Variants in SORCS1 observed in about 807,000 individuals in gnomAD.
SORCS1 encodes sortilin related VPS10 domain containing receptor 1.
A neutral mutation model predicts 146.1 loss-of-function variants in SORCS1; 60 were observed. That is an observed-to-expected ratio of 0.41 (90% CI 0.33 to 0.51). The LOEUF (loss-of-function observed/expected upper bound fraction) is 0.51. SORCS1 is among the 20% of genes least tolerant of loss of function. SORCS1 has a pLI of 0.21. For missense variants in SORCS1, 1,352 were observed against 1,487.6 expected (o/e 0.91, Z 1.50); for synonymous variants, 637 against 584.0 (o/e 1.09, Z -1.31).
At chr10:106,714,239 A>G (rs1274388832) in intron 6 of SORCS1, among the ~76,000 whole-genome samples, 3 of 151,772 alleles carry the variant, frequency 2.0e-5, no homozygotes. Context: ...CAAAGATTCA[A>G]CAACAAAGAT....
chr10:106,639,247 C>A (rs1459396241), intron 18 of SORCS1, among the ~76,000 whole-genome samples: 1 of 152,150 alleles, frequency 6.6e-6, no homozygotes, highest in Non-Finnish European at 1.5e-5. Flanking sequence ...GGGGTAGTGA[C>A]CACCCATGTG....
chr10:107,104,375 T>C lies in SORCS1; in HGVS notation c.558+59594A>G, dbSNP rs535257338. Among the ~76,000 whole-genome samples the C allele has an allele frequency of 3.3e-5, 5 of 152,302 alleles. No individual in the cohort carries two copies. The East Asian group carries it at 9.7e-4, about 29-fold the overall frequency. On this transcript the variant is annotated intron_variant, in intron 1 of 25. Coordinates refer to ENST00000263054, the MANE Select transcript of SORCS1 (RefSeq NM_052918.5). ...CTAGTTCCAAAAGAAGTCTGGAAATTGAATATGTTTGGCTTGAAAGGTCTG... is the reference window on the plus strand; with the variant it reads ...CTAGTTCCAAAAGAAGTCTGGAAATCGAATATGTTTGGCTTGAAAGGTCTG...
chr10:106,696,615 T>G (rs954208790), intron 9 of SORCS1, among the ~76,000 whole-genome samples: 4 of 152,172 alleles, frequency 2.6e-5, no homozygotes, highest in Non-Finnish European at 2.9e-5. Flanking sequence ...TCCCTACAGA[T>G]AGTCAACTGC....
chr10:106,860,811 A>G (rs1353696627), intron 2 of SORCS1, among the ~76,000 whole-genome samples: 1 of 152,212 alleles, frequency 6.6e-6, no homozygotes, highest in Non-Finnish European at 1.5e-5. Flanking sequence ...TGCTGTTTGT[A>G]ATATTGGCGA....
At chr10:106,730,148 A>C (rs762688748) in intron 5 of SORCS1, 34 bp from the exon 6 acceptor site, 8 of 1,609,178 alleles carry the variant, frequency 5.0e-6, no homozygotes, top group Non-Finnish European at 6.8e-6. Flanking sequence ...AGAAACATCC[A>C]TATTAATGAC....
intron 5 of SORCS1, among the ~76,000 whole-genome samples, chr10:106,739,325 A>G (rs558680097): frequency 6.6e-6 from 1 of 151,814 alleles, no homozygotes; most frequent in Non-Finnish European, 1.5e-5. Context: ...ATCTCACTAA[A>G]AATACAAAAA....
chr10:106,588,474 GA>G (rs1845376332), intron 24 of SORCS1, among the ~76,000 whole-genome samples: 1 of 152,072 alleles, frequency 6.6e-6, no homozygotes, highest in African/African-American at 2.4e-5. Flanking sequence ...TATGCAGATG[GA>G]TTTCTGTCTG....
chr10:107,118,619 T>A (rs768583791), intron 1 of SORCS1, among the ~76,000 whole-genome samples: 2 of 152,198 alleles, frequency 1.3e-5, no homozygotes, highest in Admixed American at 1.3e-4. Flanking sequence ...AACAGACCGA[T>A]GGGTGACTAT....
chr10:106,599,303 C>T (rs1019608505), intron 23 of SORCS1, among the ~76,000 whole-genome samples: 18 of 150,784 alleles, frequency 1.2e-4, no homozygotes, highest in South Asian at 2.1e-4. Context: ...AGAAGGCAGA[C>T]GTTGCAGTGA....
chr10:107,102,420 A>C (rs1171594324), intron 1 of SORCS1, among the ~76,000 whole-genome samples: 1 of 152,200 alleles, frequency 6.6e-6, no homozygotes, highest in Non-Finnish European at 1.5e-5. Context: ...TCAGGATATA[A>C]AGAACAAACA....
At chr10:107,166,403 A>G (rs1425295636), upstream of SORCS1, among the ~76,000 whole-genome samples, 1 of 152,258 alleles carries the variant, frequency 6.6e-6, no homozygotes, top group Non-Finnish European at 1.5e-5. Context: ...CGACCAGCGC[A>G]GAAAAAGTGC....
At chr10:106,586,588 T>C (rs922882377) in intron 24 of SORCS1, among the ~76,000 whole-genome samples, 1 of 152,206 alleles carries the variant, frequency 6.6e-6, no homozygotes, top group Non-Finnish European at 1.5e-5. Flanking sequence ...TCAGTCTAGT[T>C]ACCCTGTAAT....
At chr10:106,984,079 C>G (rs76581224) in intron 1 of SORCS1, among the ~76,000 whole-genome samples, 33,807 of 152,052 alleles carry the variant, frequency 0.22, 4,551 homozygotes, top group Middle Eastern at 0.33. Flanking sequence ...TAACAATACA[C>G]GTTATGTATC....
chr10:106,657,691 A>G lies in SORCS1; in HGVS notation c.2304-5138T>C, dbSNP rs199593755. On this transcript the variant is annotated intron_variant, in intron 17 of 25. Transcript: ENST00000263054. Reference sequence around the variant, plus strand: ...TGTGTGTGTGTGTGTGTGTGTGTGTATTTTTTTCAAGAAAATAAATAAACA... The same window carrying G: ...TGTGTGTGTGTGTGTGTGTGTGTGTGTTTTTTTCAAGAAAATAAATAAACA... 7.6e-4 allele frequency among the ~76,000 whole-genome samples: 103 copies of G among 135,526 alleles called. 1 individual carries two copies. Among genetic ancestry groups the G allele is most frequent in the East Asian group, 5.2e-3 (25 of 4,794 alleles). 88.9% of individuals were successfully genotyped at this position (135,526 alleles called of 152,430 possible). A position where few individuals can be genotyped will look rare whatever the true frequency, so the allele number is the denominator to read the frequency against.
chr10:107,169,026 G>A (rs1970107231), upstream of SORCS1, among the ~76,000 whole-genome samples: 1 of 151,976 alleles, frequency 6.6e-6, no homozygotes, highest in Admixed American at 6.6e-5. Context: ...TTTGTGTGTG[G>A]GAAGTAATGT....
intron 1 of SORCS1, among the ~76,000 whole-genome samples, chr10:107,038,127 A>G (rs1046274225): frequency 2.6e-5 from 4 of 152,118 alleles, no homozygotes; most frequent in Non-Finnish European, 4.4e-5. Context: ...CCGGCCCTTT[A>G]TTTGTTTTTA....
chr10:106,864,744 A>AG lies in SORCS1; in HGVS notation c.627-35072dup, dbSNP rs1783572499. ...AGCTCCTAGGGTTGGGGGGTGGGGT[A>AG]GGGGTTGCCATATTGGCTGTGTGGC... On this transcript the variant is annotated intron_variant, in intron 2 of 25. Coordinates refer to ENST00000263054, the MANE Select transcript of SORCS1 (RefSeq NM_052918.5). Among the ~76,000 whole-genome samples the AG allele has an allele frequency of 2.6e-5, 4 of 152,220 alleles. No homozygotes were observed. In the South Asian group the frequency reaches 8.3e-4, roughly 32 times the overall value.
intron 1 of SORCS1, among the ~76,000 whole-genome samples, chr10:106,992,221 G>A (rs894437381): frequency 2.0e-5 from 3 of 152,102 alleles, no homozygotes; most frequent in African/African-American, 7.2e-5. Flanking sequence ...GGACAAAGGA[G>A]CCCCTGACTT....
chr10:106,865,985 A>C (rs1000342622), intron 2 of SORCS1, among the ~76,000 whole-genome samples: 1 of 151,306 alleles, frequency 6.6e-6, no homozygotes, highest in Admixed American at 6.6e-5. Flanking sequence ...GTGAGCTGAG[A>C]TCACGCCACT....
Sources: gnomAD v4.1 joint callset for allele counts (sites outside exome capture counted in the v4.1 genomes callset) on GRCh38, gnomAD v4.1.1 for gene constraint, MANE v1.5 for transcripts, NCBI Gene and HGNC (gene_info 2026-07-23, HGNC 2026-07-21) for gene names.